ZHX1: variants seen among roughly 807,000 people sequenced by gnomAD.
ZHX1 encodes the protein zinc fingers and homeoboxes protein 1.
ZHX1 carries 20 observed loss-of-function variants against 61.8 expected under a neutral mutation model. The ratio of observed to expected loss-of-function variants is 0.32; its 90% CI spans 0.23 to 0.47. The LOEUF is 0.47. Among genes scored for constraint, ZHX1 ranks in the 20% least tolerant of loss-of-function variants. ZHX1 has a pLI of 1.00. For missense variants in ZHX1, 800 were observed against 1,034.8 expected, an observed-to-expected ratio of 0.77 and a Z score of 3.11; for synonymous variants, 318 against 352.6, an observed-to-expected ratio of 0.90 and a Z score of 1.10.
At chr8:123,260,406 C>G (rs1049413931) in intron 2 of ZHX1, among the ~76,000 whole-genome samples, 1 of 151,734 alleles carries the variant, frequency 6.6e-6, no homozygotes, top group Non-Finnish European at 1.5e-5. Flanking sequence ...TGAGACCAGG[C>G]TGGCCAACAT....
At chr8:123,251,957 G>A (rs886996540) in intron 3 of ZHX1, among the ~76,000 whole-genome samples, 4 of 152,232 alleles carry the variant, frequency 2.6e-5, no homozygotes, top group South Asian at 4.1e-4. Context: ...TACATATTAA[G>A]CTCTCTATAA....
Position 123,255,411 on chromosome 8 carries a change from C to T in ZHX1, c.536G>A (p.Ser179Asn). Residue 179 changes from serine (S) to asparagine (N), a missense_variant, in exon 3 of 4, where the codon AGT becomes AAT. Coordinates refer to ENST00000395571, the MANE Select transcript of ZHX1 (RefSeq NM_007222.5). ...TEVSSSGISI[S>N]KTPIMKMMKN... is the part of the protein sequence containing the mutation. ...CATCATTTTCATGATAGGAGTTTTA[C>T]TGATAGATATTCCCGAAGAAGAAAC... 1 of 1,613,460 alleles carries T rather than the reference C, an allele frequency of 6.2e-7. No individual in the cohort carries two copies. The highest frequency in any genetic ancestry group is 8.5e-7 in the Non-Finnish European group (1 of 1,179,994).
In ZHX1 at chr8:123,254,049, T is replaced by C; in HGVS notation, c.1898A>G (p.Asp633Gly). The C allele has an allele frequency of 6.2e-7, 1 of 1,614,086 alleles. No individual in the cohort carries two copies. The highest frequency in any genetic ancestry group is 8.5e-7 in the Non-Finnish European group (1 of 1,180,020). The change falls in exon 3 of 4, where the codon GAT (aspartate) becomes GGT (glycine). Residue 633 changes from aspartate (D) to glycine (G), a missense_variant. Transcript: ENST00000395571. This position sits in a 1 kb window ranked among gnomAD's most constrained non-coding sequence, Gnocchi z 4.1. ...TTTGGAACTACCTGCATTACTTTCA[T>C]CTATTTCCATTTTCTCTTCCTTTAA... Reference protein sequence around the residue: ...KALKEEKMEIDESNAGSSKEE... With the variant: ...KALKEEKMEIGESNAGSSKEE...
chr8:123,250,355 T>G (rs886669500), intron 3 of ZHX1, 35 bp from the exon 4 acceptor site: 2 of 379,798 alleles, frequency 5.3e-6, no homozygotes, highest in African/African-American at 4.3e-5. Context: ...AACTGAAAAT[T>G]TAAAGAAAAC....
At chr8:123,260,483 C>T (rs572667174) in intron 2 of ZHX1, among the ~76,000 whole-genome samples, 8 of 143,704 alleles carry the variant, frequency 5.6e-5, no homozygotes, top group East Asian at 4.4e-4. Context: ...CCTGTAATCC[C>T]GCTACTCGGA....
At chr8:123,265,842 T>TA (rs1269148645) in intron 2 of ZHX1, among the ~76,000 whole-genome samples, 1 of 152,192 alleles carries the variant, frequency 6.6e-6, no homozygotes, top group Non-Finnish European at 1.5e-5. Flanking sequence ...TGGTCAAAGA[T>TA]AATCAAATGT....
rs1245128404 is a variant in ZHX1, at chr8:123,256,027, A to G, written c.-81T>C. 2 of 1,377,866 alleles carry G rather than the reference A, an allele frequency of 1.5e-6. No individual in the cohort carries two copies. The highest frequency in any genetic ancestry group is 2.9e-5 in the African/African-American group (2 of 69,044). The allele number at this position is 1,377,866 out of a possible 1,614,324, so 85.4% of individuals were successfully genotyped here. A position where few individuals can be genotyped will look rare whatever the true frequency, so the allele number is the denominator to read the frequency against. On this transcript the variant is annotated 5_prime_UTR_variant, in exon 3 of 4. Coordinates refer to ENST00000395571, the MANE Select transcript of ZHX1 (RefSeq NM_007222.5). ...TGTTCAGTGTTCTTCATTTGAAAAC[A>G]ATGGCTTTTGGTTCTTCAAGTCCAT...
chr8:123,264,732 A>AT (rs1456740319), intron 2 of ZHX1, among the ~76,000 whole-genome samples: 4 of 149,910 alleles, frequency 2.7e-5, no homozygotes, highest in Admixed American at 6.6e-5. Flanking sequence ...TAATTTTTGT[A>AT]TTTTTTTTAG....
At chr8:123,257,804 G>T (rs967305622) in intron 2 of ZHX1, among the ~76,000 whole-genome samples, 3 of 152,184 alleles carry the variant, frequency 2.0e-5, no homozygotes, top group Non-Finnish European at 4.4e-5. Flanking sequence ...GTGCGGCCCA[G>T]TTCCTAACAG....
At chr8:123,262,325 A>C (rs755990973) in intron 2 of ZHX1, among the ~76,000 whole-genome samples, 8 of 152,184 alleles carry the variant, frequency 5.3e-5, no homozygotes, top group Non-Finnish European at 1.2e-4. Context: ...AATATGGAAA[A>C]ACTACCCATT....
chr8:123,255,963 A>G lies in ZHX1; in HGVS notation c.-17T>C. On this transcript the variant is annotated 5_prime_UTR_variant, in exon 3 of 4. Transcript: ENST00000395571. The stretch of plus-strand genomic sequence containing the variant: ...GCTTGCCATTCTGATGTTATGAGGA[A>G]AAGCTCAGTGGTGATTAAAAAGCAT... 1 of 1,591,244 alleles carries G rather than the reference A, an allele frequency of 6.3e-7. No homozygotes were observed. Among genetic ancestry groups the G allele is most frequent in the Non-Finnish European group, 8.6e-7 (1 of 1,167,802 alleles).
chr8:123,274,373 G>C (rs1342182648), upstream of ZHX1: 1 of 152,400 alleles, frequency 6.6e-6, no homozygotes, highest in Non-Finnish European at 1.5e-5. Flanking sequence ...TGGCCCCGCG[G>C]AGTGTGGGGA....
chr8:123,267,933 A>G (rs1441149119), intron 1 of ZHX1, among the ~76,000 whole-genome samples: 2 of 152,174 alleles, frequency 1.3e-5, no homozygotes, highest in Non-Finnish European at 1.5e-5. Flanking sequence ...CCGGGGAGGC[A>G]GAGGTTGCAG....
chr8:123,273,414 G>C (rs375488719), intron 1 of ZHX1, among the ~76,000 whole-genome samples: 8 of 152,186 alleles, frequency 5.3e-5, no homozygotes, highest in African/African-American at 1.9e-4. Flanking sequence ...GGGCCCTAAG[G>C]CTTGGAGGAT....
chr8:123,262,095 A>G (rs1047263198), intron 2 of ZHX1, among the ~76,000 whole-genome samples: 1 of 152,222 alleles, frequency 6.6e-6, no homozygotes, highest in Non-Finnish European at 1.5e-5. Context: ...TCAGTTGCAC[A>G]ACTCAGTAGC....
At chr8:123,261,593 G>A (rs1336219271) in intron 2 of ZHX1, among the ~76,000 whole-genome samples, 1 of 152,156 alleles carries the variant, frequency 6.6e-6, no homozygotes, top group Non-Finnish European at 1.5e-5. Context: ...ACTATGATCA[G>A]TGCAGTAAGA....
In ZHX1 at chr8:123,255,319, T is replaced by G; in HGVS notation, c.628A>C (p.Lys210Gln). ...HNSVEDVPEE[K>Q]ENEIKPDREE... The stretch of plus-strand genomic sequence containing the variant: ...CGGTCTGGTTTGATTTCATTCTCTT[T>G]CTCTTCAGGAACGTCCTCAACTGAG... The change falls in exon 3 of 4, where the codon AAA becomes CAA. Residue 210 changes from lysine to glutamine, a missense_variant. Physicochemically the swap from Lys to Gln is moderately conservative, Grantham distance 53. Coordinates refer to ENST00000395571, the MANE Select transcript of ZHX1 (RefSeq NM_007222.5). 6.2e-7 allele frequency: 1 copy of G among 1,614,162 alleles called. No individual in the cohort carries two copies. The highest frequency in any genetic ancestry group is 8.5e-7 in the Non-Finnish European group (1 of 1,180,028).
Position 123,254,124 on chromosome 8 carries a change from G to T in ZHX1, c.1823C>A (p.Thr608Asn). ...LNRLRAQTKLTRREIDAWFTE... is the reference protein window; with the variant it reads ...LNRLRAQTKLNRREIDAWFTE... ...AAACCAAGCATCGATTTCTCTTCTG[G>T]TAAGTTTGGTTTGTGCCCTTAACCT... The change falls in exon 3 of 4, where the codon ACC (threonine) becomes AAC (asparagine). Residue 608 changes from threonine to asparagine, a missense_variant. By Grantham distance (65) the Thr-to-Asn change is moderately conservative (BLOSUM62 0). Transcript: ENST00000395571. The surrounding 1 kb of genome is among the most constrained non-coding windows in gnomAD (Gnocchi z 4.1). 2 of 1,614,060 alleles carry T rather than the reference G, an allele frequency of 1.2e-6. No individual in the cohort carries two copies. Among genetic ancestry groups the T allele is most frequent in the Non-Finnish European group, 1.7e-6 (2 of 1,180,016 alleles).
In ZHX1 at chr8:123,256,030, G is replaced by A. The variant is rs572557293; in HGVS notation, c.-84C>T. On this transcript the variant is annotated 5_prime_UTR_variant, in exon 3 of 4. Transcript: ENST00000395571. ...TCAGTGTTCTTCATTTGAAAACAAT[G>A]GCTTTTGGTTCTTCAAGTCCATTTT... is the stretch of plus-strand genomic sequence containing the variant. The A allele has an allele frequency of 3.0e-6, 4 of 1,341,792 alleles. No homozygotes were observed. The highest frequency in any genetic ancestry group is 1.7e-5 in the South Asian group (1 of 58,426). The allele number at this position is 1,341,792 out of a possible 1,614,324, so 83.1% of individuals were successfully genotyped here.
Sources: allele counts gnomAD v4.1 joint callset (sites outside exome capture counted in the v4.1 genomes callset), GRCh38; gene constraint gnomAD v4.1.1; non-coding constraint Gnocchi (gnomAD v3.1); transcripts MANE v1.5; gene names NCBI Gene and HGNC (gene_info 2026-07-23, HGNC 2026-07-21).